Variants in MSI2 observed in about 807,000 individuals in gnomAD.
MSI2 encodes RNA-binding protein Musashi homolog 2.
In MSI2, 17 loss-of-function variants were observed where a neutral mutation model predicts 45.6. That is an observed-to-expected ratio of 0.37 (90% CI 0.26 to 0.56). The LOEUF is 0.56. Ranked by LOEUF, MSI2 falls within the 20% of genes least tolerant of loss-of-function variation. The pLI, the probability that MSI2 is intolerant of heterozygous loss-of-function variation, is 0.77. For missense variants in MSI2, 293 were observed against 444.2 expected (o/e 0.66, Z 3.06); for synonymous variants, 156 against 158.2 (o/e 0.99, Z 0.11).
chr17:57,437,753 A>G (rs777025618), intron 6 of MSI2, among the ~76,000 whole-genome samples: 23 of 152,222 alleles, frequency 1.5e-4, no homozygotes, highest in Non-Finnish European at 2.9e-4. Flanking sequence ...GGACCAAACA[A>G]TTCCCAAAGA....
intron 7 of MSI2, among the ~76,000 whole-genome samples, chr17:57,558,533 C>T (rs1329565810): frequency 6.6e-6 from 1 of 152,152 alleles, no homozygotes; most frequent in Non-Finnish European, 1.5e-5. Flanking sequence ...AACTGCCGCT[C>T]ACCGTGTGTT....
intron 6 of MSI2, among the ~76,000 whole-genome samples, chr17:57,481,534 G>A: frequency 6.6e-6 from 1 of 152,048 alleles, no homozygotes; most frequent in East Asian, 1.9e-4. Context: ...GGTCTCTTTG[G>A]GAATTTTTAA....
At chr17:57,533,048 C>A (rs1040230189) in intron 7 of MSI2, among the ~76,000 whole-genome samples, 7 of 152,226 alleles carry the variant, frequency 4.6e-5, no homozygotes, top group Non-Finnish European at 7.3e-5. Context: ...TCCCAGGGCC[C>A]ATTCAGTCTC....
chr17:57,408,186 G>A (rs911140973), intron 6 of MSI2, among the ~76,000 whole-genome samples: 17 of 152,222 alleles, frequency 1.1e-4, no homozygotes, highest in African/African-American at 3.4e-4. Context: ...TTAAATTTTC[G>A]TATTTTTGCT....
chr17:57,519,519 G>C (rs778494137), intron 6 of MSI2, among the ~76,000 whole-genome samples: 1 of 152,176 alleles, frequency 6.6e-6, no homozygotes, highest in African/African-American at 2.4e-5. Context: ...CATGACTATG[G>C]AGGAGCCCGG....
intron 5 of MSI2, among the ~76,000 whole-genome samples, chr17:57,284,202 G>A (rs1365886525): frequency 6.6e-6 from 1 of 152,084 alleles, no homozygotes; most frequent in Non-Finnish European, 1.5e-5. Flanking sequence ...AGTTGGATTG[G>A]CTGTGCTGGG....
At chr17:57,674,366 A>T (rs1333521387) in intron 11 of MSI2, among the ~76,000 whole-genome samples, 1 of 152,084 alleles carries the variant, frequency 6.6e-6, no homozygotes, top group East Asian at 1.9e-4. Flanking sequence ...AATGGATCCA[A>T]AAACCAAAAA....
At chr17:57,666,369 G>C (rs988998637) in intron 11 of MSI2, among the ~76,000 whole-genome samples, 1 of 152,146 alleles carries the variant, frequency 6.6e-6, no homozygotes, top group Non-Finnish European at 1.5e-5. Flanking sequence ...AAAAAAGATC[G>C]TGTGAAACAC....
intron 5 of MSI2, among the ~76,000 whole-genome samples, chr17:57,368,326 C>T (rs1013186949): frequency 2.6e-5 from 4 of 152,046 alleles, no homozygotes; most frequent in South Asian, 2.1e-4. Flanking sequence ...GAGGCTGAGG[C>T]GGGCGGATTG....
intron 6 of MSI2, among the ~76,000 whole-genome samples, chr17:57,511,428 A>C (rs1456892344): frequency 6.6e-6 from 1 of 152,186 alleles, no homozygotes; most frequent in Non-Finnish European, 1.5e-5. Flanking sequence ...GAGAAGGTTC[A>C]TTAAGCTGGA....
At chr17:57,454,443 T>TC (rs1436241710) in intron 6 of MSI2, among the ~76,000 whole-genome samples, 1 of 149,192 alleles carries the variant, frequency 6.7e-6, no homozygotes, top group Non-Finnish European at 1.5e-5. Flanking sequence ...TCTTTCTTTT[T>TC]TTTTTTTTTT....
intron 6 of MSI2, among the ~76,000 whole-genome samples, chr17:57,459,903 C>A (rs59949526): frequency 0.032 from 4,878 of 151,918 alleles, 141 homozygotes; most frequent in South Asian, 0.13. Flanking sequence ...CTGAGGCGGG[C>A]AGATCACCTG....
rs568751957 is a variant in MSI2, at chr17:57,587,661, G to A, written c.455-9207G>A. 5.3e-5 allele frequency among the ~76,000 whole-genome samples: 8 copies of A among 152,072 alleles called. No homozygotes were observed. The South Asian group carries it at 1.5e-3, about 28-fold the overall frequency. The stretch of plus-strand genomic sequence containing the variant: ...GCGTGTGGGGGAATAAAGAAGACCC[G>A]TGTCGACTCACGCCGATCTCTGCCT... On this transcript the variant is annotated intron_variant, in intron 7 of 13. Transcript: ENST00000284073.
At chr17:57,376,227 T>C (rs780391260) in intron 5 of MSI2, among the ~76,000 whole-genome samples, 2 of 152,158 alleles carry the variant, frequency 1.3e-5, no homozygotes, top group Non-Finnish European at 2.9e-5. Flanking sequence ...TCACATAGAA[T>C]CTGATTTGAT....
intron 7 of MSI2, among the ~76,000 whole-genome samples, chr17:57,543,386 G>T (rs1320138077): frequency 6.6e-6 from 1 of 152,200 alleles, no homozygotes; most frequent in Non-Finnish European, 1.5e-5. Context: ...CTGTAGTTCC[G>T]CCTTGGACCC....
chr17:57,366,463 C>T (rs1006714446), intron 5 of MSI2, among the ~76,000 whole-genome samples: 1 of 152,198 alleles, frequency 6.6e-6, no homozygotes, highest in Non-Finnish European at 1.5e-5. Flanking sequence ...ATTTCCACCC[C>T]GTGAAGGAAA....
At chr17:57,330,756 G>A (rs1914183982) in intron 5 of MSI2, among the ~76,000 whole-genome samples, 1 of 152,122 alleles carries the variant, frequency 6.6e-6, no homozygotes, top group Non-Finnish European at 1.5e-5. Flanking sequence ...TTTCAAGGAA[G>A]CATTGTGCAG....
At chr17:57,558,102 C>T (rs1483743346) in intron 7 of MSI2, among the ~76,000 whole-genome samples, 9 of 152,074 alleles carry the variant, frequency 5.9e-5, no homozygotes, top group Non-Finnish European at 7.4e-5. Context: ...CTGCTGCTGG[C>T]GTGGGGAGCT....
intron 8 of MSI2, among the ~76,000 whole-genome samples, chr17:57,612,596 C>CA (rs1457780220): frequency 4.6e-5 from 7 of 152,200 alleles, no homozygotes; most frequent in African/African-American, 1.7e-4. Context: ...GGTTGGCACT[C>CA]AGACAGTCAT....
Sources: gnomAD v4.1 joint callset for allele counts (sites outside exome capture counted in the v4.1 genomes callset) on GRCh38, gnomAD v4.1.1 for gene constraint, MANE v1.5 for transcripts, NCBI Gene and HGNC (gene_info 2026-07-23, HGNC 2026-07-21) for gene names.